SYN3: variants seen among roughly 807,000 people sequenced by gnomAD.
SYN3 encodes the protein synapsin III.
A neutral mutation model predicts 65.8 loss-of-function variants in SYN3; 35 were observed. That is an observed-to-expected ratio of 0.53 (90% CI 0.41 to 0.70). The LOEUF (loss-of-function observed/expected upper bound fraction) is 0.70. Among genes scored for constraint, SYN3 ranks in the 30% least tolerant of loss-of-function variants. The probability of loss-of-function intolerance (pLI) is 0.00; values close to 1 mark genes in which losing one functional copy is unlikely to be tolerated. For missense variants in SYN3, 680 were observed against 749.0 expected, an observed-to-expected ratio of 0.91 and a Z score of 1.08; for synonymous variants, 270 against 292.9, an observed-to-expected ratio of 0.92 and a Z score of 0.80.
chr22:32,962,416 G>A (rs944089141), intron 3 of SYN3, among the ~76,000 whole-genome samples: 2 of 152,142 alleles, frequency 1.3e-5, no homozygotes, highest in Non-Finnish European at 2.9e-5. Flanking sequence ...TTACAGGCGT[G>A]AGCCACTACG....
intron 6 of SYN3, among the ~76,000 whole-genome samples, chr22:32,694,874 A>G (rs922058025): frequency 2.0e-5 from 3 of 152,228 alleles, no homozygotes; most frequent in Non-Finnish European, 4.4e-5. Context: ...TCTTTCAGCT[A>G]CTTTATACAT....
At chr22:32,985,663 G>A (rs566322213) in intron 2 of SYN3, among the ~76,000 whole-genome samples, 18 of 151,954 alleles carry the variant, frequency 1.2e-4, no homozygotes, top group Non-Finnish European at 1.9e-4. Context: ...AGACTTTTTG[G>A]ATCCAGTCCA....
At chr22:32,813,956 A>G (rs146093746) in intron 6 of SYN3, among the ~76,000 whole-genome samples, 1 of 152,242 alleles carries the variant, frequency 6.6e-6, no homozygotes, top group Non-Finnish European at 1.5e-5. Context: ...CCATCATATT[A>G]TTACTACATG....
intron 6 of SYN3, among the ~76,000 whole-genome samples, chr22:32,607,797 T>C (rs1457956774): frequency 6.6e-6 from 1 of 152,210 alleles, no homozygotes; most frequent in African/African-American, 2.4e-5. Context: ...GTTTATAGCA[T>C]AGAACAGGTT....
At chr22:32,802,070 G>A (rs772384489) in intron 6 of SYN3, 2 of 1,577,914 alleles carry the variant, frequency 1.3e-6, no homozygotes, top group Non-Finnish European at 1.7e-6. Context: ...GCGCCGAGGC[G>A]TGCACATGCT....
intron 3 of SYN3, among the ~76,000 whole-genome samples, chr22:32,949,291 C>A (rs575487456): frequency 1.3e-5 from 2 of 151,886 alleles, no homozygotes; most frequent in South Asian, 4.2e-4. Flanking sequence ...ACCTGTAGAC[C>A]CAGTTACCAG....
At chr22:32,706,408 C>T (rs532042080) in intron 6 of SYN3, among the ~76,000 whole-genome samples, 7 of 152,180 alleles carry the variant, frequency 4.6e-5, no homozygotes, top group Middle Eastern at 6.8e-3. Flanking sequence ...AATGGGATGG[C>T]GTATTTAAAG....
intron 7 of SYN3, among the ~76,000 whole-genome samples, chr22:32,544,256 G>A (rs2058303973): frequency 6.6e-6 from 1 of 152,194 alleles, no homozygotes; most frequent in Non-Finnish European, 1.5e-5. Flanking sequence ...GTGGGTCTTT[G>A]TTAAAGCAGC....
chr22:32,770,362 TC>T (rs371984601), intron 6 of SYN3, among the ~76,000 whole-genome samples: 21 of 152,124 alleles, frequency 1.4e-4, no homozygotes, highest in African/African-American at 4.6e-4. Context: ...TGCAATGACT[TC>T]CCATCTCCCA....
In SYN3 at chr22:32,528,009, G is replaced by C; in HGVS notation, c.1231-4C>G. ...TCGCTGATTTAATCTGTGGAGCCTA[G>C]AGCAGAAGAGAAAAGAAGCCTGTTG... On this transcript the variant is annotated splice_polypyrimidine_tract_variant and splice_region_variant and intron_variant, in intron 11 of 13. Transcript: ENST00000358763. 6.5e-7 allele frequency: 1 copy of C among 1,548,562 alleles called. No individual in the cohort carries two copies.
intron 7 of SYN3, among the ~76,000 whole-genome samples, chr22:32,550,243 A>G (rs941098251): frequency 6.6e-6 from 1 of 152,156 alleles, no homozygotes; most frequent in Non-Finnish European, 1.5e-5. Context: ...TCTTACTATT[A>G]CTTATAACCC....
chr22:32,634,617 G>C (rs1485563811), intron 6 of SYN3, among the ~76,000 whole-genome samples: 1 of 152,170 alleles, frequency 6.6e-6, no homozygotes, highest in Non-Finnish European at 1.5e-5. Flanking sequence ...GGGTTTCATG[G>C]CTTCCTTGTT....
At chr22:33,049,037 T>G (rs2054116973) in intron 1 of SYN3, among the ~76,000 whole-genome samples, 1 of 152,220 alleles carries the variant, frequency 6.6e-6, no homozygotes, top group South Asian at 2.1e-4. Flanking sequence ...GAATTACTAT[T>G]CAGGGTTTCA....
intron 12 of SYN3, among the ~76,000 whole-genome samples, chr22:32,525,693 A>G (rs2057965063): frequency 6.7e-6 from 1 of 150,046 alleles, no homozygotes; most frequent in Non-Finnish European, 1.5e-5. Flanking sequence ...CCTGGGCGAC[A>G]AGGAGACTCC....
chr22:32,708,802 T>C (rs1259843005), intron 6 of SYN3, among the ~76,000 whole-genome samples: 1 of 152,210 alleles, frequency 6.6e-6, no homozygotes, highest in East Asian at 1.9e-4. Flanking sequence ...AGGAGCAAGA[T>C]GCATGTGCTG....
At chr22:32,575,266 G>T (rs1429971253) in intron 7 of SYN3, among the ~76,000 whole-genome samples, 1 of 152,258 alleles carries the variant, frequency 6.6e-6, no homozygotes, top group Non-Finnish European at 1.5e-5. Flanking sequence ...GCATTGGGTG[G>T]AAGGTTGGAC....
Position 32,509,009 on chromosome 22 carries a change from G to T in SYN3, c.*4683C>A, listed in dbSNP as rs1171813128. Among the ~76,000 whole-genome samples the T allele has an allele frequency of 1.3e-5, 2 of 152,174 alleles. No homozygotes were observed. The highest frequency in any genetic ancestry group is 1.3e-4 in the Admixed American group (2 of 15,278). On this transcript the variant is annotated 3_prime_UTR_variant, in exon 14 of 14. Coordinates refer to ENST00000358763, the MANE Select transcript of SYN3 (RefSeq NM_003490.4). ...TGTTAGTTCTATCTTGAATGTATCT[G>T]AATATTAGTTAATTCAGCAGGGACG...
chr22:32,611,308 G>C (rs1463454737), intron 6 of SYN3, among the ~76,000 whole-genome samples: 5 of 124,190 alleles, frequency 4.0e-5, no homozygotes, highest in Admixed American at 9.1e-5. Flanking sequence ...TTTTTTTTGT[G>C]GGGGGGATGG....
chr22:32,938,798 C>T (rs770564166), intron 3 of SYN3, among the ~76,000 whole-genome samples: 62 of 151,960 alleles, frequency 4.1e-4, no homozygotes, highest in Non-Finnish European at 4.4e-4. Context: ...TGTGGTGGCA[C>T]GCACCTGTAA....
Sources: allele counts gnomAD v4.1 joint callset (sites outside exome capture counted in the v4.1 genomes callset), GRCh38; gene constraint gnomAD v4.1.1; transcripts MANE v1.5; gene names NCBI Gene and HGNC (gene_info 2026-07-23, HGNC 2026-07-21).